The following ADD2 variants were observed in gnomAD, a reference collection of about 807,000 sequenced individuals.
ADD2 encodes the protein adducin 2, also known as beta-adducin.
In ADD2, 23 loss-of-function variants were observed where a neutral mutation model predicts 83.0. That is an observed-to-expected ratio of 0.28 (90% CI 0.20 to 0.39). The LOEUF (loss-of-function observed/expected upper bound fraction) is 0.39. ADD2 is among the 10% of genes least tolerant of loss of function. ADD2 has a pLI of 1.00. For missense variants in ADD2, 758 were observed against 944.9 expected, an observed-to-expected ratio of 0.80 and a Z score of 2.59; for synonymous variants, 375 against 375.4, an observed-to-expected ratio of 1.00 and a Z score of 0.01.
chr2:70,679,022 A>G, intron 10 of ADD2, 61 bp from the exon 11 acceptor site: 1 of 1,509,644 alleles, frequency 6.6e-7, no homozygotes, highest in Non-Finnish European at 8.9e-7. Flanking sequence ...ACCTGCACAT[A>G]CATGCACACA....
chr2:70,719,174 C>T (rs1296269070), intron 1 of ADD2, among the ~76,000 whole-genome samples: 1 of 152,206 alleles, frequency 6.6e-6, no homozygotes, highest in Admixed American at 6.5e-5. Context: ...GGGTCACCCA[C>T]CTGCACTCCC....
chr2:70,698,345 C>G (rs998542703), intron 4 of ADD2, among the ~76,000 whole-genome samples: 1 of 152,136 alleles, frequency 6.6e-6, no homozygotes, highest in Non-Finnish European at 1.5e-5. Context: ...AGAGGATGAC[C>G]TCACCCACAG....
intron 15 of ADD2, 146 bp downstream of exon 15, chr2:70,672,732 C>T: frequency 1.1e-6 from 1 of 918,270 alleles, no homozygotes; most frequent in Non-Finnish European, 1.6e-6. Flanking sequence ...CAACATGAAA[C>T]TTGATAACCC....
intron 11 of ADD2, 83 bp from the exon 12 acceptor site, chr2:70,677,960 C>T: frequency 1.1e-5 from 18 of 1,579,992 alleles, no homozygotes; most frequent in Non-Finnish European, 1.4e-5. Flanking sequence ...GAGATCTGGG[C>T]CCAACATCCT....
At position 70,677,901 on chromosome 2, in the gene ADD2, G is replaced by T. The variant is rs782218257; in HGVS notation, c.1384-24C>A. 9 of 1,613,746 alleles carry T rather than the reference G, an allele frequency of 5.6e-6. No individual in the cohort carries two copies. The African/African-American group carries it at 1.1e-4, about 19-fold the overall frequency. ...CACTGCACAAACACAAGGTCATGGG[G>T]CTGAGGTGAGGGAACAGGCCCATGA... On this transcript the variant is annotated intron_variant, in intron 11 of 15. Coordinates refer to ENST00000264436, the MANE Select transcript of ADD2 (RefSeq NM_001617.4).
At chr2:70,699,559 C>T (rs1232387091) in intron 4 of ADD2, among the ~76,000 whole-genome samples, 2 of 152,124 alleles carry the variant, frequency 1.3e-5, no homozygotes, top group Non-Finnish European at 1.5e-5. Flanking sequence ...GCAGAAAACT[C>T]GCTTGAGCCT....
rs569918267 is a variant in ADD2 at position 70,751,618 on chromosome 2, A to G, written c.-154+16268T>C. On this transcript the variant is annotated intron_variant, in intron 1 of 15. Transcript: ENST00000264436. ...TCTTTACTTTATTAAAAAGCTTACT[A>G]AAGATTTCCTTTACAATAAACGGCA... Among the ~76,000 whole-genome samples the G allele has an allele frequency of 1.7e-4, 26 of 152,340 alleles. No homozygotes were observed. The South Asian group carries it at 5.2e-3, about 30-fold the overall frequency.
intron 15 of ADD2, among the ~76,000 whole-genome samples, chr2:70,664,633 C>A (rs574980193): frequency 6.6e-6 from 1 of 152,348 alleles, no homozygotes; most frequent in South Asian, 2.1e-4. Context: ...GGTGGGCAGA[C>A]CTCGGCTTAC....
In ADD2 at chr2:70,683,778, G is replaced by C. The variant is rs782104110; in HGVS notation, c.949-11C>G. On this transcript the variant is annotated splice_polypyrimidine_tract_variant and intron_variant, in intron 9 of 15. Transcript: ENST00000264436. ...GGACAGAGCCGACACCTGTAGCAAA[G>C]AGCAGAGAGCCCTCAGCCCATGTGC... 2.1e-5 allele frequency: 33 copies of C among 1,603,414 alleles called. No homozygotes were observed. Among genetic ancestry groups the C allele is most frequent in the African/African-American group, 2.7e-5 (2 of 74,690 alleles).
chr2:70,762,894 C>T (rs185934732), intron 1 of ADD2, among the ~76,000 whole-genome samples: 53 of 151,220 alleles, frequency 3.5e-4, no homozygotes, highest in African/African-American at 1.1e-3. Flanking sequence ...TTAGTAGAGA[C>T]GAGGTTTCAC....
chr2:70,665,312 C>T (rs138247559), intron 15 of ADD2, among the ~76,000 whole-genome samples: 1 of 152,242 alleles, frequency 6.6e-6, no homozygotes, highest in Admixed American at 6.5e-5. Flanking sequence ...CAACTCCTGA[C>T]ACTGCTGGGC....
At chr2:70,705,813 GA>G (rs2104384578) in intron 3 of ADD2, among the ~76,000 whole-genome samples, 1 of 152,292 alleles carries the variant, frequency 6.6e-6, no homozygotes, top group African/African-American at 2.4e-5. Context: ...TGTCCCGACA[GA>G]AAGTTCTTAC....
In ADD2 at chr2:70,662,163, C is replaced by G. The variant is rs1266710447; in HGVS notation, c.*1262G>C. On this transcript the variant is annotated 3_prime_UTR_variant, in exon 16 of 16. Coordinates refer to ENST00000264436, the MANE Select transcript of ADD2 (RefSeq NM_001617.4). Reference sequence around the variant, plus strand: ...GAATGGATTGTCTAATTTTTAGGAGCCAACAAATGCTCATTAATCAATGCC... The same window carrying G: ...GAATGGATTGTCTAATTTTTAGGAGGCAACAAATGCTCATTAATCAATGCC... The G allele has an allele frequency of 6.6e-6, 1 of 152,144 alleles. No homozygotes were observed. The highest frequency in any genetic ancestry group is 1.5e-5 in the Non-Finnish European group (1 of 68,020). 9.4% of individuals were successfully genotyped at this position (152,144 alleles called of 1,614,324 possible). A position where few individuals can be genotyped will look rare whatever the true frequency, so the allele number is the denominator to read the frequency against.
chr2:70,735,585 C>G (rs192851309), intron 1 of ADD2, among the ~76,000 whole-genome samples: 1 of 152,048 alleles, frequency 6.6e-6, no homozygotes, highest in Non-Finnish European at 1.5e-5. Flanking sequence ...GCTTTCCCTC[C>G]TCCCTCTTTC....
At chr2:70,681,416 G>A (rs1285459586) in intron 10 of ADD2, among the ~76,000 whole-genome samples, 1 of 152,178 alleles carries the variant, frequency 6.6e-6, no homozygotes, top group East Asian at 1.9e-4. Context: ...AGGAGGCTGA[G>A]ACAGGTGAGT....
chr2:70,730,179 G>A (rs1305562109), intron 1 of ADD2, among the ~76,000 whole-genome samples: 1 of 152,170 alleles, frequency 6.6e-6, no homozygotes, highest in African/African-American at 2.4e-5. Flanking sequence ...CTCCCAAATT[G>A]CAGCCCTGGG....
chr2:70,694,482 C>T (rs1671207009), intron 6 of ADD2, among the ~76,000 whole-genome samples: 1 of 152,298 alleles, frequency 6.6e-6, no homozygotes, highest in Non-Finnish European at 1.5e-5. Flanking sequence ...CCATTTATCA[C>T]CTGGACCCGA....
intron 3 of ADD2, among the ~76,000 whole-genome samples, chr2:70,705,419 C>T (rs77784984): frequency 1.3e-5 from 2 of 151,828 alleles, no homozygotes; most frequent in Admixed American, 6.5e-5. Flanking sequence ...GCTCCCATCT[C>T]GAGCCCATCC....
chr2:70,671,083 C>G (rs1669873587), intron 15 of ADD2, among the ~76,000 whole-genome samples: 1 of 152,178 alleles, frequency 6.6e-6, no homozygotes, highest in African/African-American at 2.4e-5. Context: ...CTTCCTGCAG[C>G]TGGAACACAT....
Sources: gnomAD v4.1 joint callset for allele counts (sites outside exome capture counted in the v4.1 genomes callset) on GRCh38, gnomAD v4.1.1 for gene constraint, MANE v1.5 for transcripts, NCBI Gene and HGNC (gene_info 2026-07-23, HGNC 2026-07-21) for gene names.